Variants in CPED1 observed in about 807,000 individuals in gnomAD.
CPED1 encodes cadherin like and PC-esterase domain containing 1.
Under a neutral mutation model 128.2 loss-of-function variants are expected in CPED1, and 114 were observed. The observed-to-expected ratio is 0.89, with a 90% CI of 0.76 to 1.04. CPED1 has a LOEUF of 1.04. Ranked by LOEUF, CPED1 falls within the 50% of genes least tolerant of loss-of-function variation. CPED1 has a pLI of 0.00. For missense variants in CPED1, 1,211 were observed against 1,207.1 expected (o/e 1.00, Z -0.05); for synonymous variants, 462 against 426.7 (o/e 1.08, Z -1.02).
In CPED1 at chr7:121,297,138, G is replaced by T. The variant is rs1792838599; in HGVS notation, c.*1486G>T. On this transcript the variant is annotated 3_prime_UTR_variant, in exon 23 of 23. Transcript: ENST00000310396. ...CAGATGATAATTTTTTTAGAAGAAT[G>T]ATACAGAATTAACTTTAAAAATAAA... 6.6e-6 allele frequency: 1 copy of T among 151,768 alleles called. No homozygotes were observed. Among genetic ancestry groups the T allele is most frequent in the Non-Finnish European group, 1.5e-5 (1 of 67,900 alleles). 9.4% of individuals were successfully genotyped at this position (151,768 alleles called of 1,614,324 possible).
intron 16 of CPED1, among the ~76,000 whole-genome samples, chr7:121,146,445 G>A (rs938056790): frequency 9.9e-5 from 15 of 151,954 alleles, no homozygotes; most frequent in African/African-American, 3.6e-4. Flanking sequence ...AACTTAAAAG[G>A]CCATCCACTT....
At chr7:121,244,051 G>A (rs1798462582) in intron 17 of CPED1, 151 bp from the exon 18 acceptor site, 1 of 870,890 alleles carries the variant, frequency 1.1e-6, no homozygotes, top group Non-Finnish European at 1.9e-6. Context: ...TGGTTGGCAG[G>A]AAGCCATGCC....
chr7:121,211,807 A>G (rs1797651591), intron 16 of CPED1, among the ~76,000 whole-genome samples: 1 of 152,082 alleles, frequency 6.6e-6, no homozygotes, highest in South Asian at 2.1e-4. Context: ...CTTGAATAAA[A>G]GAGTCATTTT....
chr7:121,019,858 A>T (rs1300503859), intron 3 of CPED1, among the ~76,000 whole-genome samples: 1 of 151,998 alleles, frequency 6.6e-6, no homozygotes, highest in Non-Finnish European at 1.5e-5. Context: ...AGCACCATTC[A>T]ATTATTTTGT....
chr7:121,254,524 C>A (rs1426077766), intron 18 of CPED1, among the ~76,000 whole-genome samples: 2 of 151,632 alleles, frequency 1.3e-5, no homozygotes, highest in Non-Finnish European at 2.9e-5. Context: ...ACAAACTAAG[C>A]CAAAACCTAG....
At chr7:121,285,096 T>C (rs1021410710) in intron 22 of CPED1, among the ~76,000 whole-genome samples, 8 of 152,178 alleles carry the variant, frequency 5.3e-5, no homozygotes, top group African/African-American at 1.7e-4. Context: ...ATTCTAGTCT[T>C]CTGTACACCC....
At chr7:121,097,058 T>C (rs1794718142) in intron 5 of CPED1, among the ~76,000 whole-genome samples, 2 of 152,148 alleles carry the variant, frequency 1.3e-5, no homozygotes, top group South Asian at 2.1e-4. Flanking sequence ...GAGGATGCTT[T>C]TTCTGCTCAT....
At chr7:121,071,360 C>T (rs1793985740) in intron 5 of CPED1, among the ~76,000 whole-genome samples, 1 of 152,094 alleles carries the variant, frequency 6.6e-6, no homozygotes, top group Admixed American at 6.6e-5. Context: ...CAGCACATTC[C>T]CTTAGCCCTT....
chr7:121,238,598 ATGAAG>A (rs1461801494), intron 17 of CPED1, among the ~76,000 whole-genome samples: 1 of 152,024 alleles, frequency 6.6e-6, no homozygotes, highest in Non-Finnish European at 1.5e-5. Flanking sequence ...AGTCTCCAAA[ATGAAG>A]TGATGTTCCT....
intron 21 of CPED1, among the ~76,000 whole-genome samples, chr7:121,267,763 G>A (rs1258628253): frequency 6.6e-6 from 1 of 152,004 alleles, no homozygotes; most frequent in African/African-American, 2.4e-5. Context: ...GTAGGGACGA[G>A]AACCAGCTGC....
rs138633867 is a variant in CPED1 at position 121,136,495 on chromosome 7, G to C, written c.1699+405G>C. 5.6e-3 allele frequency among the ~76,000 whole-genome samples: 852 copies of C among 152,186 alleles called. 7 individuals are homozygous for C. The highest frequency in any genetic ancestry group is 0.019 in the African/African-American group (787 of 41,544). On this transcript the variant is annotated intron_variant, in intron 14 of 22. Coordinates refer to ENST00000310396, the MANE Select transcript of CPED1 (RefSeq NM_024913.5). Reference sequence around the variant, plus strand: ...GAGTAGAATTTTCTTTGTAACAGTTGAGAGTTTTTAAGCCAATTTTCAATT... The same window carrying C: ...GAGTAGAATTTTCTTTGTAACAGTTCAGAGTTTTTAAGCCAATTTTCAATT...
At chr7:121,230,915 A>G (rs1165425937) in intron 16 of CPED1, among the ~76,000 whole-genome samples, 1 of 152,074 alleles carries the variant, frequency 6.6e-6, no homozygotes, top group African/African-American at 2.4e-5. Context: ...GATATCTGTC[A>G]TAGTTATATT....
Position 120,989,748 on chromosome 7 carries a change from G to C in CPED1, c.127G>C (p.Ala43Pro). Residue 43 changes from alanine (A) to proline (P), a missense_variant, in exon 2 of 23, where the codon GCC (alanine) becomes CCC (proline). By Grantham distance (27) the Ala-to-Pro change is conservative (BLOSUM62 -1). Coordinates refer to ENST00000310396, the MANE Select transcript of CPED1 (RefSeq NM_024913.5). ...LTLRGSRKLT[A>P]AAPGAVPHTS... is the part of the protein sequence containing the mutation. ...CCTCCGAGGGTCGAGGAAGCTCACA[G>C]CCGCTGCCCCTGGGGCTGTCCCACA... is the stretch of plus-strand genomic sequence containing the variant. 1.2e-6 allele frequency: 2 copies of C among 1,613,924 alleles called. No individual in the cohort carries two copies. The highest frequency in any genetic ancestry group is 1.7e-6 in the Non-Finnish European group (2 of 1,180,006).
At chr7:121,098,928 C>G (rs912092547) in intron 6 of CPED1, among the ~76,000 whole-genome samples, 1 of 150,010 alleles carries the variant, frequency 6.7e-6, no homozygotes, top group African/African-American at 2.4e-5. Flanking sequence ...AATAATTATA[C>G]ATTTTGGTAT....
chr7:121,277,882 G>A (rs2116766583), intron 22 of CPED1, among the ~76,000 whole-genome samples: 1 of 152,166 alleles, frequency 6.6e-6, no homozygotes, highest in Non-Finnish European at 1.5e-5. Flanking sequence ...ACTAATAGCG[G>A]GAAAACTCAA....
At chr7:121,206,450 A>C (rs1463139170) in intron 16 of CPED1, among the ~76,000 whole-genome samples, 6 of 60,464 alleles carry the variant, frequency 9.9e-5, no homozygotes, top group African/African-American at 3.8e-4. Flanking sequence ...CATTTCTAAG[A>C]TATAAAACAG....
At chr7:120,990,470 A>G (rs1293178354) in intron 2 of CPED1, among the ~76,000 whole-genome samples, 1 of 152,226 alleles carries the variant, frequency 6.6e-6, no homozygotes, top group Non-Finnish European at 1.5e-5. Context: ...AGATTATTCT[A>G]TATTTATACT....
At chr7:121,110,232 TG>T (rs1224111956) in intron 7 of CPED1, among the ~76,000 whole-genome samples, 1 of 152,168 alleles carries the variant, frequency 6.6e-6, no homozygotes, top group Non-Finnish European at 1.5e-5. Flanking sequence ...ACCTCTTATA[TG>T]CTAGATGTTA....
At chr7:121,001,648 T>A (rs1383872202) in intron 2 of CPED1, among the ~76,000 whole-genome samples, 1 of 152,146 alleles carries the variant, frequency 6.6e-6, no homozygotes, top group Non-Finnish European at 1.5e-5. Flanking sequence ...AACTGTTAAA[T>A]TAGTTCATGT....
Sources: gnomAD v4.1 joint callset for allele counts (sites outside exome capture counted in the v4.1 genomes callset) on GRCh38, gnomAD v4.1.1 for gene constraint, MANE v1.5 for transcripts, NCBI Gene and HGNC (gene_info 2026-07-23, HGNC 2026-07-21) for gene names.